Variants in FANK1 observed in about 807,000 individuals in gnomAD.
FANK1 encodes fibronectin type III and ankyrin repeat domains 1.
Under a neutral mutation model 45.3 loss-of-function variants are expected in FANK1, and 44 were observed. That is an observed-to-expected ratio of 0.97 (90% CI 0.76 to 1.25). FANK1 has a LOEUF of 1.25. FANK1 is among the 50% of genes most tolerant of loss of function. The pLI is 0.00. For synonymous variants in FANK1, 149 were observed against 152.5 expected (o/e 0.98, Z 0.17); for missense variants, 391 against 424.4 (o/e 0.92, Z 0.69).
intron 1 of FANK1, among the ~76,000 whole-genome samples, chr10:125,974,406 A>G (rs11244741): frequency 0.38 from 57,053 of 152,008 alleles, 10,962 homozygotes; most frequent in South Asian, 0.46. Flanking sequence ...TTTTAAATGA[A>G]CAATGCAGTA....
At chr10:125,964,661 TGCTG>T (rs1950114130) in intron 1 of FANK1, among the ~76,000 whole-genome samples, 1 of 152,244 alleles carries the variant, frequency 6.6e-6, no homozygotes, top group Non-Finnish European at 1.5e-5. Flanking sequence ...AGTCTTCTCA[TGCTG>T]GCCATTTCAG....
chr10:125,997,039 T>A (rs1952385410), intron 5 of FANK1, among the ~76,000 whole-genome samples: 1 of 152,210 alleles, frequency 6.6e-6, no homozygotes, highest in Non-Finnish European at 1.5e-5. Flanking sequence ...TATGAATACC[T>A]CATTTTCATT....
chr10:125,911,949 AG>A (rs1217602604), intron 1 of FANK1, among the ~76,000 whole-genome samples: 2 of 152,204 alleles, frequency 1.3e-5, no homozygotes, highest in Non-Finnish European at 2.9e-5. Flanking sequence ...TGATAGTTAG[AG>A]GGGAAAAAAT....
At chr10:125,929,983 C>T (rs747425565) in intron 1 of FANK1, among the ~76,000 whole-genome samples, 15 of 152,180 alleles carry the variant, frequency 9.9e-5, no homozygotes, top group Admixed American at 2.6e-4. Context: ...CCCTATTTTC[C>T]TGCCTCAGTA....
At chr10:125,969,035 G>A (rs575954403) in intron 1 of FANK1, among the ~76,000 whole-genome samples, 29 of 152,242 alleles carry the variant, frequency 1.9e-4, no homozygotes, top group South Asian at 6.2e-4. Context: ...TTTATGGTAC[G>A]TAACACATCC....
At chr10:125,951,421 A>C (rs188694259) in intron 1 of FANK1, among the ~76,000 whole-genome samples, 1 of 152,152 alleles carries the variant, frequency 6.6e-6, no homozygotes, top group Non-Finnish European at 1.5e-5. Flanking sequence ...AAAATTTGCA[A>C]CTTCACAGTG....
In FANK1 at chr10:126,005,006, G is replaced by A. The variant is rs777744891; in HGVS notation, c.662G>A (p.Gly221Asp). The change falls in exon 7 of 11, where the codon GGC (glycine) becomes GAC (aspartate). Residue 221 changes from glycine (G) to aspartate (D), a missense_variant. Transcript: ENST00000368693. Reference protein sequence around the residue: ...CTALHWAADGGHCSVIEWMIK... With the variant: ...CTALHWAADGDHCSVIEWMIK... ...GCTCTGCACTGGGCTGCAGATGGAG[G>A]CCACTGCAGTGTGATTGAGTGGATG... 1.2e-6 allele frequency: 2 copies of A among 1,614,170 alleles called. No individual in the cohort carries two copies. The highest frequency in any genetic ancestry group is 3.3e-5 in the Admixed American group (2 of 60,024).
intron 1 of FANK1, among the ~76,000 whole-genome samples, chr10:125,920,441 G>T (rs1357971058): frequency 6.6e-6 from 1 of 152,128 alleles, no homozygotes; most frequent in African/African-American, 2.4e-5. Context: ...AATTTACAGA[G>T]ATTTTTTTCT....
chr10:126,001,211 T>C (rs2134225787), intron 6 of FANK1, among the ~76,000 whole-genome samples: 1 of 152,308 alleles, frequency 6.6e-6, no homozygotes, highest in South Asian at 2.1e-4. Context: ...AACTGAAATG[T>C]CTGACAATAA....
chr10:125,999,276 T>C (rs934142261), intron 6 of FANK1, among the ~76,000 whole-genome samples: 1 of 149,666 alleles, frequency 6.7e-6, no homozygotes, highest in African/African-American at 2.5e-5. Context: ...CTCAGCCCAC[T>C]GCAAGCTCTG....
chr10:125,951,859 A>G (rs1317962264), intron 1 of FANK1, among the ~76,000 whole-genome samples: 3 of 152,226 alleles, frequency 2.0e-5, no homozygotes, highest in African/African-American at 4.8e-5. Context: ...AAGCAATTCA[A>G]ATGCATTTAA....
chr10:125,979,584 T>TA (rs1410632258), intron 1 of FANK1, among the ~76,000 whole-genome samples: 1 of 152,248 alleles, frequency 6.6e-6, no homozygotes, highest in Non-Finnish European at 1.5e-5. Context: ...ACCCCATTGT[T>TA]ACCAATTTCT....
At position 125,924,411 on chromosome 10, in the gene FANK1, G is replaced by A. The variant is rs111251229; in HGVS notation, c.13+27756G>A. ...TGGGACTACAGGTGTGCACCACCACGCCCACCTAATTTTTGTATTTTTAGT... is the reference window on the plus strand; with the variant it reads ...TGGGACTACAGGTGTGCACCACCACACCCACCTAATTTTTGTATTTTTAGT... On this transcript the variant is annotated intron_variant, in intron 1 of 10. Transcript: ENST00000368693. Among the ~76,000 whole-genome samples, 10 of 151,540 alleles carry A rather than the reference G, an allele frequency of 6.6e-5. 1 individual carries two copies. Among genetic ancestry groups the A allele is most frequent in the Admixed American group, 3.9e-4 (6 of 15,218 alleles).
intron 4 of FANK1, 29 bp downstream of exon 4, chr10:125,995,527 T>C (rs1307578942): frequency 1.9e-6 from 3 of 1,599,070 alleles, no homozygotes; most frequent in East Asian, 4.5e-5. Flanking sequence ...TTGTTTTTTT[T>C]CCCCCATGCC....
intron 3 of FANK1, among the ~76,000 whole-genome samples, chr10:125,991,279 T>TGTGTG (rs1590196322): frequency 1.2e-4 from 8 of 66,178 alleles, no homozygotes; most frequent in African/African-American, 4.0e-4. Flanking sequence ...GTGTGTGTGT[T>TGTGTG]GGGGGAGTGA....
Position 125,980,149 on chromosome 10 carries a change from T to C in FANK1, c.14-12T>C. ...ACTGGGTCCTGAAGTTCGGTGTCAT[T>C]CTTTTTTTTAGAAATCATGCCACCC... On this transcript the variant is annotated splice_polypyrimidine_tract_variant and intron_variant, in intron 1 of 10. Coordinates refer to ENST00000368693, the MANE Select transcript of FANK1 (RefSeq NM_145235.5). 1.2e-6 allele frequency: 2 copies of C among 1,606,890 alleles called. No homozygotes were observed. The highest frequency in any genetic ancestry group is 2.2e-5 in the East Asian group (1 of 44,836).
rs1952422887 is a variant in FANK1, at chr10:125,997,450, A to C, written c.504A>C (p.Thr168=). 6.2e-7 allele frequency: 1 copy of C among 1,613,910 alleles called. No homozygotes were observed. Among genetic ancestry groups the C allele is most frequent in the South Asian group, 1.1e-5 (1 of 91,056 alleles). ...TGAAAATCCTAGTTTCTAATGGCAC[A>C]GACGTGAATCTGAAGAATGGAAGTG... ...RLVKILVSNG[T]DVNLKNGSGK... The change falls in exon 6 of 11, where the codon ACA becomes ACC. Residue 168 remains threonine (T), a synonymous_variant. Coordinates refer to ENST00000368693, the MANE Select transcript of FANK1 (RefSeq NM_145235.5).
chr10:126,004,718 C>T (rs1953047382), intron 6 of FANK1, 166 bp from the exon 7 acceptor site: 2 of 628,092 alleles, frequency 3.2e-6, no homozygotes, highest in Admixed American at 2.8e-5. Context: ...GGATATACCA[C>T]ATTTTGTACA....
chr10:125,926,612 T>A (rs1160426736), intron 1 of FANK1, among the ~76,000 whole-genome samples: 1 of 152,306 alleles, frequency 6.6e-6, no homozygotes, highest in Non-Finnish European at 1.5e-5. Context: ...GTCAAAGTTG[T>A]TTTGATATAT....
Sources: gnomAD v4.1 joint callset for allele counts (sites outside exome capture counted in the v4.1 genomes callset) on GRCh38, gnomAD v4.1.1 for gene constraint, MANE v1.5 for transcripts, NCBI Gene and HGNC (gene_info 2026-07-23, HGNC 2026-07-21) for gene names.